The following APPL2 variants were observed in gnomAD, a reference collection of about 807,000 sequenced individuals.
APPL2 encodes adaptor protein, phosphotyrosine interacting with PH domain and leucine zipper 2.
In APPL2, 84 loss-of-function variants were observed where a neutral mutation model predicts 92.7. The observed-to-expected ratio is 0.91, with a 90% CI of 0.76 to 1.09. The LOEUF (loss-of-function observed/expected upper bound fraction) is 1.09. Ranked by LOEUF, APPL2 falls within the 50% of genes least tolerant of loss-of-function variation. The pLI is 0.00. For synonymous variants in APPL2, 291 were observed against 291.0 expected (o/e 1.00, Z 0.00); for missense variants, 736 against 824.5 (o/e 0.89, Z 1.31).
chr12:105,192,528 C>T (rs894574967), intron 14 of APPL2, among the ~76,000 whole-genome samples: 2 of 147,478 alleles, frequency 1.4e-5, no homozygotes, highest in African/African-American at 4.9e-5. Flanking sequence ...TTTTCAGTTC[C>T]TCAGATATAC....
chr12:105,189,746 A>AT, intron 16 of APPL2, 26 bp downstream of exon 16: 1 of 1,611,558 alleles, frequency 6.2e-7, no homozygotes, highest in East Asian at 2.2e-5. Flanking sequence ...AGAGGAAAGA[A>AT]TAAGGACACC....
intron 17 of APPL2, among the ~76,000 whole-genome samples, chr12:105,185,734 A>C (rs976195655): frequency 6.6e-6 from 1 of 151,892 alleles, no homozygotes; most frequent in Non-Finnish European, 1.5e-5. Context: ...TAAATCTTCT[A>C]ATTTTCTGTG....
chr12:105,229,538 G>T, intron 1 of APPL2: 1 of 1,027,954 alleles, frequency 9.7e-7, no homozygotes, highest in Non-Finnish European at 1.2e-6. Flanking sequence ...CTAAGCACCA[G>T]TAAAGTCTAT....
chr12:105,199,294 G>A (rs1887933227), intron 10 of APPL2, 79 bp downstream of exon 10: 5 of 1,510,428 alleles, frequency 3.3e-6, no homozygotes, highest in South Asian at 2.6e-5. Flanking sequence ...TGACTTTAAT[G>A]AGGCACGTAA....
At chr12:105,233,407 T>C (rs751711916) in intron 1 of APPL2, 75 of 985,342 alleles carry the variant, frequency 7.6e-5, no homozygotes, top group African/African-American at 1.4e-4. Context: ...AGTTTTACAA[T>C]GCATCGTGCA....
Position 105,208,207 on chromosome 12 carries a change from G to T in APPL2, c.374-8C>A. Reference sequence around the variant, plus strand: ...CCTTTAAAGTGCTTACTTCTGAAAAGGAGAAAAGGGACCGTCTTAGAGCAA... The same window carrying T: ...CCTTTAAAGTGCTTACTTCTGAAAATGAGAAAAGGGACCGTCTTAGAGCAA... On this transcript the variant is annotated splice_polypyrimidine_tract_variant and splice_region_variant and intron_variant, in intron 5 of 20. Transcript: ENST00000258530. 8 of 1,614,154 alleles carry T rather than the reference G, an allele frequency of 5.0e-6. No individual in the cohort carries two copies. The highest frequency in any genetic ancestry group is 6.8e-6 in the Non-Finnish European group (8 of 1,179,986).
At position 105,211,219 on chromosome 12, in the gene APPL2, A is replaced by G. The variant is rs778329090; in HGVS notation, c.373+11T>C. On this transcript the variant is annotated intron_variant, in intron 5 of 20. Transcript: ENST00000258530. ...TTTGAAGGTAACTGGCATTGAACTC[A>G]GTTACTTTACCTGTGAGATCCTTTT... 1.8e-5 allele frequency: 29 copies of G among 1,591,716 alleles called. No homozygotes were observed. In the Admixed American group the frequency reaches 4.5e-4, roughly 25 times the overall value.
At chr12:105,182,423 C>T (rs1174419312) in intron 17 of APPL2, among the ~76,000 whole-genome samples, 1 of 152,156 alleles carries the variant, frequency 6.6e-6, no homozygotes, top group Non-Finnish European at 1.5e-5. Flanking sequence ...ATTGCTTTAG[C>T]TGTGTTCCAG....
At chr12:105,200,076 C>T (rs1341954437) in intron 9 of APPL2, among the ~76,000 whole-genome samples, 8 of 152,162 alleles carry the variant, frequency 5.3e-5, no homozygotes, top group Admixed American at 2.6e-4. Context: ...CCTTGTGATC[C>T]GCCTGCCTCG....
rs370643623 is a variant in APPL2 at position 105,229,219 on chromosome 12, C to A, written c.59G>T (p.Arg20Leu). The A allele has an allele frequency of 3.1e-6, 5 of 1,612,290 alleles. No homozygotes were observed. Among genetic ancestry groups the A allele is most frequent in the Middle Eastern group, 1.7e-4 (1 of 6,054 alleles). The part of the protein sequence containing the change: ...EEALQDSPQT[R>L]SLLSVFEEDA... ...TTCTTCAAACACGCTCAGTAAAGAG[C>A]GAGTCTGGAAGAAAAGAAGAAAAAA... is the stretch of plus-strand genomic sequence containing the variant. Residue 20 changes from arginine (R) to leucine (L), a missense_variant, in exon 2 of 21, where the codon CGC becomes CTC. Coordinates refer to ENST00000258530, the MANE Select transcript of APPL2 (RefSeq NM_018171.5).
intron 19 of APPL2, 65 bp downstream of exon 19, chr12:105,176,810 GA>G: frequency 2.6e-6 from 4 of 1,565,072 alleles, no homozygotes; most frequent in Non-Finnish European, 3.5e-6. Context: ...AGTAATGCCA[GA>G]AAACTCTTTT....
At chr12:105,232,632 T>G (rs775976742) in intron 1 of APPL2, among the ~76,000 whole-genome samples, 2 of 151,974 alleles carry the variant, frequency 1.3e-5, no homozygotes, top group Admixed American at 6.6e-5. Context: ...TGCGTGGTGA[T>G]GCATGCCTGT....
intron 17 of APPL2, among the ~76,000 whole-genome samples, chr12:105,186,667 T>TCTATG (rs1886706749): frequency 3.0e-5 from 1 of 33,124 alleles, no homozygotes; most frequent in African/African-American, 6.6e-5. Context: ...ATATATATCA[T>TCTATG]ATATATGATA....
At chr12:105,203,943 C>T (rs2135993822) in intron 8 of APPL2, among the ~76,000 whole-genome samples, 158 bp from the exon 9 acceptor site, 1 of 152,338 alleles carries the variant, frequency 6.6e-6, no homozygotes, top group East Asian at 1.9e-4. Context: ...CACCTGAGCA[C>T]TATGCACTTT....
chr12:105,196,425 CTTTTTTTTTTTTTT>C (rs59820038), intron 11 of APPL2, among the ~76,000 whole-genome samples: 18,555 of 84,276 alleles, frequency 0.22, 1,755 homozygotes, highest in African/African-American at 0.35. Flanking sequence ...GGCGTTAACT[CTTTTTTTTTTTTTT>C]TTTTTTTTTT....
At chr12:105,202,223 C>G (rs1263791311) in intron 9 of APPL2, among the ~76,000 whole-genome samples, 2 of 152,204 alleles carry the variant, frequency 1.3e-5, no homozygotes, top group African/African-American at 2.4e-5. Context: ...ACTCACAGAA[C>G]CAGCCCCAGC....
At chr12:105,174,750 T>C (rs1178688469) in intron 20 of APPL2, among the ~76,000 whole-genome samples, 1 of 152,222 alleles carries the variant, frequency 6.6e-6, no homozygotes, top group East Asian at 1.9e-4. Flanking sequence ...CTCCTTCTTT[T>C]CTCACGTTTA....
chr12:105,186,010 A>G (rs1273150579), intron 17 of APPL2, among the ~76,000 whole-genome samples: 1 of 152,164 alleles, frequency 6.6e-6, no homozygotes, highest in Non-Finnish European at 1.5e-5. Context: ...GATATTTCAT[A>G]TAAACAGAAC....
intron 5 of APPL2, 63 bp from the exon 6 acceptor site, chr12:105,208,262 C>T: frequency 6.3e-7 from 1 of 1,579,550 alleles, no homozygotes; most frequent in Non-Finnish European, 8.7e-7. Context: ...ACCCAGAGCT[C>T]TGCACTTTCC....
Sources: gnomAD v4.1 joint callset for allele counts (sites outside exome capture counted in the v4.1 genomes callset) on GRCh38, gnomAD v4.1.1 for gene constraint, MANE v1.5 for transcripts, NCBI Gene and HGNC (gene_info 2026-07-23, HGNC 2026-07-21) for gene names.